Variants in MTOR observed in about 807,000 individuals in gnomAD.
The protein encoded by MTOR is mechanistic target of rapamycin kinase, also known as serine/threonine-protein kinase mTOR.
Under a neutral mutation model 319.8 loss-of-function variants are expected in MTOR, and 70 were observed. The observed-to-expected ratio is 0.22, with a 90% CI of 0.18 to 0.27. The LOEUF (loss-of-function observed/expected upper bound fraction) is 0.27, where lower values mean the gene tolerates loss of function less well. Among genes scored for constraint, MTOR ranks in the 10% least tolerant of loss-of-function variants. The pLI is 1.00. For missense variants in MTOR, 1,890 were observed against 3,274.4 expected, an observed-to-expected ratio of 0.58 and a Z score of 10.32; for synonymous variants, 1,183 against 1,211.4, an observed-to-expected ratio of 0.98 and a Z score of 0.49.
chr1:11,122,661 C>G (rs1260713494), intron 47 of MTOR, among the ~76,000 whole-genome samples: 3 of 151,980 alleles, frequency 2.0e-5, no homozygotes, highest in Non-Finnish European at 4.4e-5. Context: ...ATGCACAACA[C>G]CACACCCGGC....
chr1:11,179,922 T>C (rs566054482), intron 28 of MTOR, among the ~76,000 whole-genome samples: 3 of 152,206 alleles, frequency 2.0e-5, no homozygotes, highest in Non-Finnish European at 4.4e-5. Context: ...TGGTTTTTTG[T>C]TTGTTTTGAG....
intron 13 of MTOR, among the ~76,000 whole-genome samples, chr1:11,237,574 T>C (rs929493511): frequency 1.3e-5 from 2 of 151,884 alleles, no homozygotes; most frequent in Admixed American, 1.3e-4. Context: ...ATGGGATCAC[T>C]GGTGACTTGC....
Position 11,258,553 on chromosome 1 carries a change from T to C in MTOR, c.203A>G (p.Asn68Ser). 6.2e-7 allele frequency: 1 copy of C among 1,614,162 alleles called. No homozygotes were observed. Among genetic ancestry groups the C allele is most frequent in the Non-Finnish European group, 8.5e-7 (1 of 1,180,034 alleles). ...EESTRFYDQLNHHIFELVSSS... is the reference protein window; with the variant it reads ...EESTRFYDQLSHHIFELVSSS... ...GGAAACCAATTCAAAAATGTGATGG[T>C]TCAGTTGGTCATAGAAGCGAGTAGA... Residue 68 changes from asparagine to serine, a missense_variant, in exon 3 of 58, where the codon AAC (asparagine) becomes AGC (serine). Physicochemically the swap from Asn to Ser is conservative, Grantham distance 46. Coordinates refer to ENST00000361445, the MANE Select transcript of MTOR (RefSeq NM_004958.4).
At chr1:11,192,311 C>A in intron 28 of MTOR, 2 of 1,614,008 alleles carry the variant, frequency 1.2e-6, no homozygotes. Flanking sequence ...GAAGAACTAC[C>A]GCATCTCTGG....
In MTOR at chr1:11,243,156, T is replaced by C; in HGVS notation, c.1370A>G (p.Asp457Gly). ...TGGGGGCAGGGCCGCTCGGATGATGTCCAGCACGCGAGGCAAATAGACCTT... is the reference window on the plus strand; with the variant it reads ...TGGGGGCAGGGCCGCTCGGATGATGCCCAGCACGCGAGGCAAATAGACCTT... ...EFKVYLPRVL[D>G]IIRAALPPKD... Residue 457 changes from aspartate (D) to glycine (G), a missense_variant, in exon 9 of 58, where the codon GAC becomes GGC. Around this residue, in one of 15 missense-constraint regions of MTOR, gnomAD observed 418 missense variants for 543.1 expected, o/e 0.77. Coordinates refer to ENST00000361445, the MANE Select transcript of MTOR (RefSeq NM_004958.4). The C allele has an allele frequency of 6.2e-7, 1 of 1,614,156 alleles. No individual in the cohort carries two copies. The highest frequency in any genetic ancestry group is 8.5e-7 in the Non-Finnish European group (1 of 1,180,038).
chr1:11,203,032 G>C (rs909517293), intron 26 of MTOR, among the ~76,000 whole-genome samples: 1 of 151,744 alleles, frequency 6.6e-6, no homozygotes, highest in Admixed American at 6.6e-5. Context: ...GGCCAACATG[G>C]TGAAACCCCA....
chr1:11,233,902 C>T lies in MTOR; in HGVS notation c.2331+241G>A, dbSNP rs11121704. On this transcript the variant is annotated intron_variant, in intron 14 of 57. Coordinates refer to ENST00000361445, the MANE Select transcript of MTOR (RefSeq NM_004958.4). ...CCTACTTCTCCTTTCCAAACATCTG[C>T]GATGATGTGCCTGAAGCATTAACTC... Among the ~76,000 whole-genome samples, 98,659 of 152,038 alleles carry T rather than the reference C, an allele frequency of 0.65. 34,122 individuals are homozygous for T. The highest frequency in any genetic ancestry group is 0.91 in the East Asian group (4,719 of 5,174).
At chr1:11,123,725 T>G (rs1181796901) in intron 47 of MTOR, among the ~76,000 whole-genome samples, 1 of 152,070 alleles carries the variant, frequency 6.6e-6, no homozygotes, top group Admixed American at 6.6e-5. Flanking sequence ...TGCTGTAGCC[T>G]TCCAAAGTGT....
At chr1:11,203,801 G>C (rs937579358) in intron 26 of MTOR, among the ~76,000 whole-genome samples, 2 of 152,134 alleles carry the variant, frequency 1.3e-5, no homozygotes, top group Non-Finnish European at 2.9e-5. Flanking sequence ...TTCTTCCTTT[G>C]AGCCTGACTG....
chr1:11,170,609 T>C (rs1368037941), intron 28 of MTOR, among the ~76,000 whole-genome samples: 3 of 151,596 alleles, frequency 2.0e-5, no homozygotes, highest in Non-Finnish European at 4.4e-5. Flanking sequence ...TATATTTTAA[T>C]GATATGGTCC....
intron 28 of MTOR, among the ~76,000 whole-genome samples, chr1:11,181,096 G>A (rs1174009175): frequency 3.3e-5 from 5 of 152,044 alleles, no homozygotes; most frequent in African/African-American, 1.2e-4. Flanking sequence ...GTTTTTATGG[G>A]GACATGTTAC....
chr1:11,130,868 CTCCTGCCTGTTCTGTGTGTCCATAA>C, intron 38 of MTOR, 91 bp from the exon 39 acceptor site: 1 of 1,456,078 alleles, frequency 6.9e-7, no homozygotes. Context: ...GGAACAGCTG[CTCCTGCCTGTTCTGTGTGTCCATAA>C]AGCAAACACT....
rs1419731416 is a variant in MTOR, at chr1:11,133,014, C to A, written c.5364+66G>T. On this transcript the variant is annotated intron_variant, in intron 38 of 57. Transcript: ENST00000361445. The surrounding 1 kb of genome is among the most constrained non-coding windows in gnomAD (Gnocchi z 4.0). ...CTCCGCAGAAGCTCAGCTGTAACCA[C>A]GAGCACACAGGAGGACACGAGCCAG... is the stretch of plus-strand genomic sequence containing the variant. 2.8e-5 allele frequency: 38 copies of A among 1,366,292 alleles called. No individual in the cohort carries two copies. Among genetic ancestry groups the A allele is most frequent in the Non-Finnish European group, 4.0e-5 (38 of 959,088 alleles). The allele number at this position is 1,366,292 out of a possible 1,614,324, so 84.6% of individuals were successfully genotyped here.
chr1:11,174,447 G>T (rs1451331381), intron 28 of MTOR, among the ~76,000 whole-genome samples: 4 of 152,096 alleles, frequency 2.6e-5, no homozygotes, highest in Non-Finnish European at 5.9e-5. Context: ...CTACTAATAT[G>T]CCTCCAGCCT....
At chr1:11,171,037 A>G (rs1464021757) in intron 28 of MTOR, among the ~76,000 whole-genome samples, 1 of 151,478 alleles carries the variant, frequency 6.6e-6, no homozygotes, top group East Asian at 2.0e-4. Flanking sequence ...TCTACTAAAA[A>G]TACAAAAATT....
Position 11,109,136 on chromosome 1 carries a change from A to C in MTOR, c.7528+154T>G, listed in dbSNP as rs1641726984. 6.6e-6 allele frequency among the ~76,000 whole-genome samples: 1 copy of C among 152,248 alleles called. No individual in the cohort carries two copies. Among genetic ancestry groups the C allele is most frequent in the Non-Finnish European group, 1.5e-5 (1 of 68,036 alleles). On this transcript the variant is annotated intron_variant, in intron 56 of 57. Coordinates refer to ENST00000361445, the MANE Select transcript of MTOR (RefSeq NM_004958.4). This position sits in a 1 kb window ranked among gnomAD's most constrained non-coding sequence, Gnocchi z 4.0. Reference sequence around the variant, plus strand: ...GTCATCAGAAAGAAGAATCAGAGACAATGTTTAACTGATGACCTCAAAGAC... The same window carrying C: ...GTCATCAGAAAGAAGAATCAGAGACCATGTTTAACTGATGACCTCAAAGAC...
chr1:11,250,796 T>C (rs1050637328), intron 6 of MTOR, among the ~76,000 whole-genome samples: 1 of 152,230 alleles, frequency 6.6e-6, no homozygotes, highest in African/African-American at 2.4e-5. Context: ...GCAAGCCTGC[T>C]GCTCCCATTT....
In MTOR at chr1:11,127,466, CG is replaced by C. The variant is rs1642896722; in HGVS notation, c.6216+157del. ...ATGCTCTGTGACCTCCATCAGAGCT[CG>C]TTTTATTAAAGTCAGTGGAAAGGCC... On this transcript the variant is annotated intron_variant, in intron 44 of 57. Transcript: ENST00000361445. This position sits in a 1 kb window ranked among gnomAD's most constrained non-coding sequence, Gnocchi z 5.5. Among the ~76,000 whole-genome samples the C allele has an allele frequency of 6.6e-6, 1 of 152,054 alleles. No individual in the cohort carries two copies. The highest frequency in any genetic ancestry group is 2.4e-5 in the African/African-American group (1 of 41,384).
chr1:11,114,599 G>C, intron 52 of MTOR, 146 bp from the exon 53 acceptor site: 1 of 1,235,938 alleles, frequency 8.1e-7, no homozygotes, highest in South Asian at 1.5e-5. Flanking sequence ...AAGGAATCAG[G>C]GCAGGACTGT....
Sources: gnomAD v4.1 joint callset for allele counts (sites outside exome capture counted in the v4.1 genomes callset) on GRCh38, gnomAD v4.1.1 for gene constraint, gnomAD v4.1.1 regional missense constraint, Gnocchi (gnomAD v3.1) non-coding constraint, MANE v1.5 for transcripts, NCBI Gene and HGNC (gene_info 2026-07-23, HGNC 2026-07-21) for gene names.